Variants in RC3H2 observed in about 807,000 individuals in gnomAD.
RC3H2 encodes the protein roquin-2.
RC3H2 carries 31 observed loss-of-function variants against 133.3 expected under a neutral mutation model. That is an observed-to-expected ratio of 0.23 (90% CI 0.17 to 0.31). The LOEUF is 0.31. Among genes scored for constraint, RC3H2 ranks in the 10% least tolerant of loss-of-function variants. The probability of loss-of-function intolerance (pLI) is 1.00; values close to 1 mark genes in which losing one functional copy is unlikely to be tolerated. For missense variants in RC3H2, 1,175 were observed against 1,437.2 expected (o/e 0.82, Z 2.95); for synonymous variants, 517 against 502.2 (o/e 1.03, Z -0.40).
rs1484414498 is a variant in RC3H2 at position 122,897,324 on chromosome 9, A to G, written c.186T>C (p.Asp62=). The stretch of plus-strand genomic sequence containing the variant: ...GAAGTGCGAAGTTGACAGGAAGTAC[A>G]TCAATATCTGTGTTGATGGCAGTCT... The part of the protein sequence containing the change: ...FDQTAINTDI[D]VLPVNFALLQ... Residue 62 remains aspartate (D), a synonymous_variant, in exon 2 of 21, where the codon GAT becomes GAC. Transcript: ENST00000357244. 6.2e-7 allele frequency: 1 copy of G among 1,614,108 alleles called. No individual in the cohort carries two copies. Among genetic ancestry groups the G allele is most frequent in the Non-Finnish European group, 8.5e-7 (1 of 1,180,034 alleles).
At chr9:122,857,631 T>C (rs557829431) in intron 13 of RC3H2, among the ~76,000 whole-genome samples, 1 of 152,188 alleles carries the variant, frequency 6.6e-6, no homozygotes. Context: ...CTGGCATGAG[T>C]AGGTGCTCAA....
chr9:122,877,347 T>A (rs1313909106), intron 9 of RC3H2, 124 bp downstream of exon 9: 1 of 717,210 alleles, frequency 1.4e-6, no homozygotes, highest in African/African-American at 1.8e-5. Context: ...ACTACAGGCA[T>A]GAGCTATGGT....
intron 1 of RC3H2, among the ~76,000 whole-genome samples, chr9:122,900,392 A>G (rs1832609834): frequency 6.6e-6 from 1 of 152,172 alleles, no homozygotes; most frequent in African/African-American, 2.4e-5. Context: ...TTCTTCAGTA[A>G]TATTATCAGT....
chr9:122,849,238 C>T lies in RC3H2; in HGVS notation c.*389G>A, dbSNP rs1161341160. 6.6e-6 allele frequency: 1 copy of T among 152,056 alleles called. No individual in the cohort carries two copies. The highest frequency in any genetic ancestry group is 1.5e-5 in the Non-Finnish European group (1 of 68,016). 9.4% of individuals were successfully genotyped at this position (152,056 alleles called of 1,614,324 possible). ...AATAAGTTAACTAAGTCTACTTTCA[C>T]TAGATGTATCATTGTAGGATCCTGC... On this transcript the variant is annotated 3_prime_UTR_variant, in exon 21 of 21. Transcript: ENST00000357244.
At chr9:122,903,584 G>A (rs560091077) in intron 1 of RC3H2, among the ~76,000 whole-genome samples, 1 of 152,302 alleles carries the variant, frequency 6.6e-6, no homozygotes, top group South Asian at 2.1e-4. Flanking sequence ...CAGATCAGGG[G>A]TAACTCAAAG....
chr9:122,888,012 T>C (rs1832003380), intron 4 of RC3H2, among the ~76,000 whole-genome samples: 1 of 152,198 alleles, frequency 6.6e-6, no homozygotes, highest in Non-Finnish European at 1.5e-5. Context: ...CCCAAAGTGC[T>C]GGGATTACAG....
chr9:122,875,560 C>T (rs1246819651), intron 9 of RC3H2, among the ~76,000 whole-genome samples: 1 of 152,162 alleles, frequency 6.6e-6, no homozygotes, highest in East Asian at 1.9e-4. Flanking sequence ...GCTAGCTGGA[C>T]TTCATAAAGA....
intron 4 of RC3H2, among the ~76,000 whole-genome samples, chr9:122,888,819 T>C (rs1035551047): frequency 6.6e-6 from 1 of 152,210 alleles, no homozygotes; most frequent in Admixed American, 6.5e-5. Context: ...TTCTGTTGTC[T>C]CTTTGGGATA....
rs566586940 is a variant in RC3H2 at position 122,904,850 on chromosome 9, G to A, written c.-68+260C>T. Among the ~76,000 whole-genome samples the A allele has an allele frequency of 2.6e-5, 4 of 152,318 alleles. No homozygotes were observed. In the East Asian group the frequency reaches 5.8e-4, roughly 22 times the overall value. ...TTGGGTGGGTTCGTTAGGGGTCAGA[G>A]GCGTCCGCTCGGCCAGTGTCGAAGG... On this transcript the variant is annotated intron_variant, in intron 1 of 20. Transcript: ENST00000357244.
chr9:122,878,265 T>A (rs556811500), intron 8 of RC3H2, among the ~76,000 whole-genome samples: 2 of 152,156 alleles, frequency 1.3e-5, no homozygotes, highest in East Asian at 3.8e-4. Context: ...CAACCTTTTT[T>A]ATTTTTTATT....
rs376591203 is a variant in RC3H2, at chr9:122,858,867, G to A, written c.2085C>T (p.Tyr695=). ...PVPSGMYAPV[Y]DSRRIWRPPM... ...GTGGGCGCCAGATGCGCCTGCTGTC[G>A]TACACAGGAGCATACATTCCAGAAG... Residue 695 remains tyrosine (Y), a synonymous_variant, in exon 12 of 21, where the codon TAC becomes TAT. Transcript: ENST00000357244. 67 of 1,614,142 alleles carry A rather than the reference G, an allele frequency of 4.2e-5. No individual in the cohort carries two copies. The highest frequency in any genetic ancestry group is 2.4e-4 in the East Asian group (11 of 44,904).
chr9:122,861,019 G>A (rs1830435292), intron 10 of RC3H2, among the ~76,000 whole-genome samples: 1 of 152,140 alleles, frequency 6.6e-6, no homozygotes, highest in Non-Finnish European at 1.5e-5. Flanking sequence ...AACAGTTCCT[G>A]GCATGCAGTA....
At chr9:122,871,095 G>A (rs1831066849) in intron 9 of RC3H2, among the ~76,000 whole-genome samples, 1 of 151,956 alleles carries the variant, frequency 6.6e-6, no homozygotes, top group South Asian at 2.1e-4. Flanking sequence ...TTATCTTTCC[G>A]CTACCAATTC....
intron 1 of RC3H2, among the ~76,000 whole-genome samples, chr9:122,899,403 T>G (rs1351177624): frequency 2.0e-5 from 3 of 152,044 alleles, no homozygotes; most frequent in African/African-American, 7.3e-5. Context: ...CGCTTTTATA[T>G]TCACAAAAAC....
At chr9:122,856,528 T>C (rs1233100904) in intron 13 of RC3H2, among the ~76,000 whole-genome samples, 1 of 152,218 alleles carries the variant, frequency 6.6e-6, no homozygotes, top group African/African-American at 2.4e-5. Context: ...GTGCTGGGAT[T>C]ATAGGCATGA....
At chr9:122,900,365 A>G (rs1588118143) in intron 1 of RC3H2, among the ~76,000 whole-genome samples, 1 of 152,130 alleles carries the variant, frequency 6.6e-6, no homozygotes, top group Non-Finnish European at 1.5e-5. Flanking sequence ...AAACGCTTTG[A>G]TTTTCCAAAT....
chr9:122,854,462 G>A, intron 16 of RC3H2, 69 bp downstream of exon 16: 1 of 1,262,992 alleles, frequency 7.9e-7, no homozygotes, highest in South Asian at 1.2e-5. Context: ...ACTGGGGGTA[G>A]AATGTGTACC....
At chr9:122,879,255 G>T (rs970690140) in intron 8 of RC3H2, among the ~76,000 whole-genome samples, 1 of 151,780 alleles carries the variant, frequency 6.6e-6, no homozygotes, top group Non-Finnish European at 1.5e-5. Context: ...TTAGCAGGGC[G>T]TGGTGGCACT....
intron 18 of RC3H2, among the ~76,000 whole-genome samples, chr9:122,851,940 G>A (rs1227939120): frequency 1.3e-5 from 2 of 151,538 alleles, no homozygotes; most frequent in South Asian, 4.2e-4. Flanking sequence ...AGTGAGGAGC[G>A]TCTCTGCCTG....
Sources: allele counts gnomAD v4.1 joint callset (sites outside exome capture counted in the v4.1 genomes callset), GRCh38; gene constraint gnomAD v4.1.1; transcripts MANE v1.5; gene names NCBI Gene and HGNC (gene_info 2026-07-23, HGNC 2026-07-21).